Variants in TIAM1 observed in about 807,000 individuals in gnomAD.
TIAM1 encodes rho guanine nucleotide exchange factor TIAM1.
Under a neutral mutation model 163.5 loss-of-function variants are expected in TIAM1, and 65 were observed. The ratio of observed to expected loss-of-function variants is 0.40; its 90% CI spans 0.33 to 0.49. The LOEUF (loss-of-function observed/expected upper bound fraction) is 0.49. TIAM1 is among the 20% of genes least tolerant of loss of function. The pLI is 0.77. For missense variants in TIAM1, 1,789 were observed against 2,044.7 expected (o/e 0.87, Z 2.41); for synonymous variants, 833 against 810.1 (o/e 1.03, Z -0.48).
intron 1 of TIAM1, among the ~76,000 whole-genome samples, chr21:31,517,576 C>T (rs182488290): frequency 6.6e-6 from 1 of 152,168 alleles, no homozygotes; most frequent in East Asian, 1.9e-4. Context: ...GTGACCACAG[C>T]GGCAGAGATG....
At chr21:31,220,983 AG>A (rs1458581916) in intron 8 of TIAM1, among the ~76,000 whole-genome samples, 1 of 152,170 alleles carries the variant, frequency 6.6e-6, no homozygotes, top group Non-Finnish European at 1.5e-5. Context: ...CTTCAATTGT[AG>A]CTCCCCAATC....
At chr21:31,354,126 C>A (rs1028399684) in intron 2 of TIAM1, among the ~76,000 whole-genome samples, 2 of 152,016 alleles carry the variant, frequency 1.3e-5, no homozygotes, top group Admixed American at 6.6e-5. Flanking sequence ...TGTGAGCCAC[C>A]ATGCCCGGCC....
intron 8 of TIAM1, 70 bp downstream of exon 8, chr21:31,223,336 C>T: frequency 6.7e-7 from 1 of 1,487,190 alleles, no homozygotes; most frequent in Non-Finnish European, 9.0e-7. Flanking sequence ...TTAGGAGACT[C>T]TTGTCAAGTC....
chr21:31,451,486 A>T (rs1045811374), intron 2 of TIAM1, among the ~76,000 whole-genome samples: 13 of 152,300 alleles, frequency 8.5e-5, no homozygotes, highest in African/African-American at 3.1e-4. Flanking sequence ...GATGATTCTA[A>T]CATAAAGAAA....
chr21:31,396,032 G>A (rs1456855943), intron 2 of TIAM1, among the ~76,000 whole-genome samples: 1 of 152,188 alleles, frequency 6.6e-6, no homozygotes, highest in Non-Finnish European at 1.5e-5. Context: ...TCCCCAGAGT[G>A]CTAAACTAAA....
intron 2 of TIAM1, among the ~76,000 whole-genome samples, chr21:31,308,030 G>A (rs578101922): frequency 1.2e-4 from 18 of 152,140 alleles, no homozygotes; most frequent in East Asian, 5.8e-4. Context: ...AAACGAAATC[G>A]GAATCCCTGT....
chr21:31,527,995 T>TA (rs1235069800), intron 1 of TIAM1, among the ~76,000 whole-genome samples: 4 of 152,188 alleles, frequency 2.6e-5, no homozygotes, highest in African/African-American at 9.6e-5. Context: ...ATACAAGTGT[T>TA]ACAGTGTTAA....
chr21:31,384,858 T>TA (rs2076839067), intron 2 of TIAM1, among the ~76,000 whole-genome samples: 1 of 152,152 alleles, frequency 6.6e-6, no homozygotes, highest in Admixed American at 6.6e-5. Flanking sequence ...CAATGTGTAT[T>TA]AAAAAATGTA....
chr21:31,503,830 C>G, intron 1 of TIAM1, among the ~76,000 whole-genome samples: 1 of 150,730 alleles, frequency 6.6e-6, no homozygotes, highest in Non-Finnish European at 1.5e-5. Context: ...ACATCACTAG[C>G]CTAAAATAAA....
At chr21:31,244,013 T>C (rs1355177906) in intron 6 of TIAM1, among the ~76,000 whole-genome samples, 1 of 152,212 alleles carries the variant, frequency 6.6e-6, no homozygotes, top group Admixed American at 6.5e-5. Context: ...GAAGGTGGCT[T>C]AGGTGCCTGA....
At chr21:31,180,725 C>T (rs2084974957) in intron 15 of TIAM1, among the ~76,000 whole-genome samples, 1 of 152,202 alleles carries the variant, frequency 6.6e-6, no homozygotes, top group African/African-American at 2.4e-5. Context: ...GGGATCGATC[C>T]TGCCATCTTG....
At chr21:31,258,918 T>G (rs1210359972) in intron 4 of TIAM1, among the ~76,000 whole-genome samples, 1 of 152,134 alleles carries the variant, frequency 6.6e-6, no homozygotes, top group Non-Finnish European at 1.5e-5. Context: ...AATGACAATG[T>G]GACAGGCTGG....
At position 31,317,814 on chromosome 21, in the gene TIAM1, AC is replaced by A. The variant is rs542252739; in HGVS notation, c.-189+21428del. Among the ~76,000 whole-genome samples, 710 of 151,852 alleles carry A rather than the reference AC, an allele frequency of 4.7e-3. 5 individuals are homozygous for A. The highest frequency in any genetic ancestry group is 0.016 in the African/African-American group (661 of 41,402). The stretch of plus-strand genomic sequence containing the variant: ...CCCAAAAAACAAACAAACAAGAAAA[AC>A]CCCACCACTGCTTAACTCATCTGTG... On this transcript the variant is annotated intron_variant, in intron 2 of 27. Transcript: ENST00000541036.
intron 4 of TIAM1, 108 bp downstream of exon 4, chr21:31,265,902 A>G: frequency 6.9e-7 from 1 of 1,458,520 alleles, no homozygotes. Flanking sequence ...TACCAGGCAA[A>G]CAGGGTAAAA....
chr21:31,371,656 T>G (rs2076598479), intron 2 of TIAM1, among the ~76,000 whole-genome samples: 1 of 152,240 alleles, frequency 6.6e-6, no homozygotes, highest in Non-Finnish European at 1.5e-5. Flanking sequence ...ATGATATTCC[T>G]GTTTAATGGA....
intron 2 of TIAM1, among the ~76,000 whole-genome samples, chr21:31,422,748 C>A (rs937324285): frequency 2.6e-5 from 4 of 152,182 alleles, no homozygotes; most frequent in Non-Finnish European, 5.9e-5. Flanking sequence ...TATCTTTGTA[C>A]CTTTGCTCAT....
At chr21:31,400,366 G>A (rs2147217017) in intron 2 of TIAM1, among the ~76,000 whole-genome samples, 2 of 152,206 alleles carry the variant, frequency 1.3e-5, no homozygotes, top group South Asian at 2.1e-4. Flanking sequence ...CTGACCTCAG[G>A]TGATCTGCCC....
In TIAM1 at chr21:31,535,216, A is replaced by G. The variant is rs561705886; in HGVS notation, c.-422+23711T>C. 1.3e-3 allele frequency among the ~76,000 whole-genome samples: 199 copies of G among 151,758 alleles called. 1 individual carries two copies. Among genetic ancestry groups the G allele is most frequent in the African/African-American group, 4.5e-3 (188 of 41,374 alleles). On this transcript the variant is annotated intron_variant, in intron 1 of 28. Transcript: ENST00000286827. ...GCCAATATGGTGAAACCCTGTCTCTACTAAAAATACAAAAATTAGCTGGGC... is the reference window on the plus strand; with the variant it reads ...GCCAATATGGTGAAACCCTGTCTCTGCTAAAAATACAAAAATTAGCTGGGC...
At chr21:31,336,552 C>T (rs961859326) in intron 2 of TIAM1, among the ~76,000 whole-genome samples, 1 of 148,614 alleles carries the variant, frequency 6.7e-6, no homozygotes, top group Admixed American at 6.7e-5. Flanking sequence ...GCTCACAGAA[C>T]CTGGAAGCAA....
Sources: allele counts gnomAD v4.1 joint callset (sites outside exome capture counted in the v4.1 genomes callset), GRCh38; gene constraint gnomAD v4.1.1; transcripts MANE v1.5; gene names NCBI Gene and HGNC (gene_info 2026-07-23, HGNC 2026-07-21).